The following CHL1 variants were observed in gnomAD, a reference collection of about 807,000 sequenced individuals.
CHL1 encodes the protein neural cell adhesion molecule L1-like protein.
Under a neutral mutation model 141.9 loss-of-function variants are expected in CHL1, and 96 were observed. The ratio of observed to expected loss-of-function variants is 0.68; its 90% CI spans 0.57 to 0.80. The LOEUF is 0.80. Ranked by LOEUF, CHL1 falls within the 30% of genes least tolerant of loss-of-function variation. CHL1 has a pLI of 0.00. For synonymous variants in CHL1, 613 were observed against 502.2 expected (o/e 1.22, Z -2.95); for missense variants, 1,820 against 1,457.2 (o/e 1.25, Z -4.05).
intron 1 of CHL1, among the ~76,000 whole-genome samples, chr3:228,304 GAGGTAGA>G (rs1701544853): frequency 6.6e-6 from 1 of 151,684 alleles, no homozygotes; most frequent in Non-Finnish European, 1.5e-5. Flanking sequence ...TTTAGTCTAA[GAGGTAGA>G]AAAACGTCAC....
intron 1 of CHL1, among the ~76,000 whole-genome samples, chr3:217,138 GT>G (rs1700388644): frequency 6.6e-6 from 1 of 151,964 alleles, no homozygotes; most frequent in African/African-American, 2.4e-5. Context: ...GAATAATTTG[GT>G]TTGATTATTA....
chr3:343,928 T>C (rs3773402), intron 8 of CHL1, among the ~76,000 whole-genome samples: 48,740 of 152,166 alleles, frequency 0.32, 8,104 homozygotes, highest in South Asian at 0.4. Context: ...TGTCTACTGC[T>C]AAAGTCCCTT....
At chr3:401,194 A>G (rs766491602) in intron 26 of CHL1, among the ~76,000 whole-genome samples, 2 of 152,144 alleles carry the variant, frequency 1.3e-5, no homozygotes, top group Non-Finnish European at 2.9e-5. Flanking sequence ...GAGCCACCAC[A>G]TCCAGCCTTG....
chr3:321,796 G>A (rs1334774488), intron 3 of CHL1, among the ~76,000 whole-genome samples: 1 of 151,964 alleles, frequency 6.6e-6, no homozygotes, highest in African/African-American at 2.4e-5. Context: ...CAGGGCTCTA[G>A]AGCACTCACA....
intron 2 of CHL1, among the ~76,000 whole-genome samples, chr3:291,139 A>T (rs1024312153): frequency 3.3e-5 from 5 of 152,010 alleles, no homozygotes; most frequent in Non-Finnish European, 7.4e-5. Context: ...TTTCATTATG[A>T]GTAGTGAACT....
In CHL1 at chr3:288,726, G is replaced by C. The variant is rs139241129; in HGVS notation, c.-94-30957G>C. On this transcript the variant is annotated intron_variant, in intron 2 of 27. Coordinates refer to ENST00000256509, the MANE Select transcript of CHL1 (RefSeq NM_006614.4). ...CGCTCCATCTTTGCATTCTCTATGT[G>C]TCAGGCTGTGTCCACAGGGAATTGT... Among the ~76,000 whole-genome samples, 399 of 152,302 alleles carry C rather than the reference G, an allele frequency of 2.6e-3. 2 individuals carry two copies. Among genetic ancestry groups the C allele is most frequent in the Non-Finnish European group, 4.5e-3 (305 of 68,032 alleles).
At chr3:280,554 G>C (rs1043311723) in intron 2 of CHL1, among the ~76,000 whole-genome samples, 1 of 152,164 alleles carries the variant, frequency 6.6e-6, no homozygotes, top group African/African-American at 2.4e-5. Flanking sequence ...ATTCAGAACT[G>C]CTTCTGGTAA....
chr3:356,285 A>G (rs1703710716), intron 11 of CHL1, among the ~76,000 whole-genome samples: 1 of 152,256 alleles, frequency 6.6e-6, no homozygotes, highest in African/African-American at 2.4e-5. Flanking sequence ...CAAAATCATA[A>G]AATATTATAT....
chr3:334,531 T>C (rs1049911297), intron 5 of CHL1, among the ~76,000 whole-genome samples: 1 of 152,218 alleles, frequency 6.6e-6, no homozygotes, highest in African/African-American at 2.4e-5. Context: ...ATTGGAATCA[T>C]GTATATGGTC....
chr3:263,606 C>T (rs1694916065), intron 2 of CHL1, among the ~76,000 whole-genome samples: 1 of 152,232 alleles, frequency 6.6e-6, no homozygotes, highest in African/African-American at 2.4e-5. Flanking sequence ...TCACGTATCT[C>T]TGTATCTGCG....
In CHL1 at chr3:358,509, G is replaced by C. The variant is rs1439653380; in HGVS notation, c.1166-1775G>C. 2.0e-5 allele frequency among the ~76,000 whole-genome samples: 3 copies of C among 152,206 alleles called. No homozygotes were observed. The East Asian group carries it at 5.8e-4, about 29-fold the overall frequency. On this transcript the variant is annotated intron_variant, in intron 11 of 27. Coordinates refer to ENST00000256509, the MANE Select transcript of CHL1 (RefSeq NM_006614.4). ...AGTCATACATTCTGGGACTTAGAAC[G>C]TGTACATCTTTCAGGGGCTATTGTT...
intron 15 of CHL1, among the ~76,000 whole-genome samples, chr3:371,559 G>C (rs1705638330): frequency 6.6e-6 from 1 of 152,092 alleles, no homozygotes; most frequent in South Asian, 2.1e-4. Context: ...CTCCTTATCT[G>C]ATTTGCCAGT....
At chr3:303,194 C>T (rs192928437) in intron 2 of CHL1, among the ~76,000 whole-genome samples, 4 of 152,250 alleles carry the variant, frequency 2.6e-5, no homozygotes, top group East Asian at 3.9e-4. Flanking sequence ...TAGCTTTGTT[C>T]TTCTTGCCCA....
In CHL1 at chr3:281,586, G is replaced by A. The variant is rs995617173; in HGVS notation, c.-95+36894G>A. ...TTTTTTTTTTTTTTTTTGAGACAAA[G>A]TCCCACTCTGTCGCCCAGGCTGGAA... On this transcript the variant is annotated intron_variant, in intron 2 of 27. Transcript: ENST00000256509. Among the ~76,000 whole-genome samples, 4 of 134,092 alleles carry A rather than the reference G, an allele frequency of 3.0e-5. No homozygotes were observed. The East Asian group carries it at 6.7e-4, about 22-fold the overall frequency. The allele number at this position is 134,092 out of a possible 152,430, so 88.0% of individuals were successfully genotyped here. A position where few individuals can be genotyped will look rare whatever the true frequency, so the allele number is the denominator to read the frequency against.
chr3:285,545 C>T (rs1697048773), intron 2 of CHL1, among the ~76,000 whole-genome samples: 1 of 152,172 alleles, frequency 6.6e-6, no homozygotes. Flanking sequence ...CACAGGCTCA[C>T]AAGTCTCACT....
Position 319,664 on chromosome 3 carries a change from A to G in CHL1, c.-94-19A>G. The G allele has an allele frequency of 6.6e-6, 4 of 602,908 alleles. No homozygotes were observed. The highest frequency in any genetic ancestry group is 1.2e-5 in the Non-Finnish European group (4 of 338,170). 37.3% of individuals were successfully genotyped at this position (602,908 alleles called of 1,614,324 possible). A position where few individuals can be genotyped will look rare whatever the true frequency, so the allele number is the denominator to read the frequency against. Reference sequence around the variant, plus strand: ...TTTAGAGTTTGTGAACTAACATGTTATTCTGTTTGTGTTTTTAGTTTCCAG... The same window carrying G: ...TTTAGAGTTTGTGAACTAACATGTTGTTCTGTTTGTGTTTTTAGTTTCCAG... On this transcript the variant is annotated intron_variant, in intron 2 of 27. Coordinates refer to ENST00000256509, the MANE Select transcript of CHL1 (RefSeq NM_006614.4).
intron 2 of CHL1, among the ~76,000 whole-genome samples, chr3:265,838 G>A (rs2125220098): frequency 1.3e-5 from 2 of 152,298 alleles, no homozygotes; most frequent in South Asian, 2.1e-4. Flanking sequence ...CAACCTCGGA[G>A]TCTCTGGGAT....
chr3:399,159 T>A lies in CHL1; in HGVS notation c.3385+11T>A. 1 of 1,601,956 alleles carries A rather than the reference T, an allele frequency of 6.2e-7. No homozygotes were observed. Among genetic ancestry groups the A allele is most frequent in the Non-Finnish European group, 8.5e-7 (1 of 1,170,860 alleles). On this transcript the variant is annotated intron_variant, in intron 26 of 27. Transcript: ENST00000256509. ...GTGGAAAGTACTCAGGTAAAATTGT[T>A]TCTTAATGTGATTTTCAACTTATTA...
Position 363,348 on chromosome 3 carries a change from G to A in CHL1, c.1550G>A (p.Gly517Glu), listed in dbSNP as rs756450350. 5 of 1,611,466 alleles carry A rather than the reference G, an allele frequency of 3.1e-6. No homozygotes were observed. The highest frequency in any genetic ancestry group is 1.1e-5 in the South Asian group (1 of 90,576). ...SYSCWVENAI[G>E]KTAVTANLDI... is the part of the protein sequence containing the mutation. ...TCATGTTGGGTAGAAAATGCTATAGGAAAAACTGCAGTCACAGCCAATTTG... is the reference window on the plus strand; with the variant it reads ...TCATGTTGGGTAGAAAATGCTATAGAAAAAACTGCAGTCACAGCCAATTTG... The change falls in exon 14 of 28, where the codon GGA (glycine) becomes GAA (glutamate). Residue 517 changes from glycine (G) to glutamate (E), a missense_variant. Physicochemically the swap from Gly to Glu is moderately conservative, Grantham distance 98. Coordinates refer to ENST00000256509, the MANE Select transcript of CHL1 (RefSeq NM_006614.4).
Sources: allele counts gnomAD v4.1 joint callset (sites outside exome capture counted in the v4.1 genomes callset), GRCh38; gene constraint gnomAD v4.1.1; transcripts MANE v1.5; gene names NCBI Gene and HGNC (gene_info 2026-07-23, HGNC 2026-07-21).